Variants in ERC1 observed in about 807,000 individuals in gnomAD.
The protein encoded by ERC1 is ELKS/RAB6-interacting/CAST family member 1, also known as RAB6 interacting protein 2.
ERC1 carries 56 observed loss-of-function variants against 132.0 expected under a neutral mutation model. That is an observed-to-expected ratio of 0.42 (90% confidence interval 0.34 to 0.53). ERC1 has a LOEUF of 0.53. Among genes scored for constraint, ERC1 ranks in the 20% least tolerant of loss-of-function variants. The pLI, the probability that ERC1 is intolerant of heterozygous loss-of-function variation, is 0.03. For synonymous variants in ERC1, 478 were observed against 476.1 expected (o/e 1.00, Z -0.05); for missense variants, 1,202 against 1,349.9 (o/e 0.89, Z 1.72).
At chr12:1,476,562 T>G (rs760302195) in intron 18 of ERC1, among the ~76,000 whole-genome samples, 1 of 152,200 alleles carries the variant, frequency 6.6e-6, no homozygotes, top group Non-Finnish European at 1.5e-5. Flanking sequence ...TCACTACAGA[T>G]GGGAAGAACT....
intron 16 of ERC1, among the ~76,000 whole-genome samples, chr12:1,376,965 A>AT (rs1201188736): frequency 1.3e-5 from 2 of 152,104 alleles, no homozygotes; most frequent in Non-Finnish European, 2.9e-5. Context: ...TTGAGATGAG[A>AT]TGACATCAGG....
At chr12:1,246,904 T>C (rs1235972089) in intron 13 of ERC1, among the ~76,000 whole-genome samples, 1 of 152,210 alleles carries the variant, frequency 6.6e-6, no homozygotes, top group Non-Finnish European at 1.5e-5. Context: ...GTTACAGATG[T>C]ATTCGAGGGG....
At position 1,082,920 on chromosome 12, in the gene ERC1, A is replaced by G. The variant is rs187702700; in HGVS notation, c.670-244A>G. Among the ~76,000 whole-genome samples the G allele has an allele frequency of 6.7e-3, 1,027 of 152,292 alleles. 8 individuals carry two copies. The highest frequency in any genetic ancestry group is 0.01 in the Non-Finnish European group (685 of 68,022). On this transcript the variant is annotated intron_variant, in intron 2 of 18. Transcript: ENST00000360905. ...TTGAACAGTGTCTTTATTGTAGTTT[A>G]TGCAAAGTGAGGAGTGAGTGCCATA... is the stretch of plus-strand genomic sequence containing the variant.
In ERC1 at chr12:1,244,108, A is replaced by G. The variant is rs150841357; in HGVS notation, c.2487+7204A>G. On this transcript the variant is annotated intron_variant, in intron 13 of 18. Coordinates refer to ENST00000360905, the MANE Select transcript of ERC1 (RefSeq NM_178040.4). ...AATTTACATAACATACACAATAACC[A>G]TCATTCTCGGGCACATAATTCCAGA... is the stretch of plus-strand genomic sequence containing the variant. Among the ~76,000 whole-genome samples, 249 of 152,310 alleles carry G rather than the reference A, an allele frequency of 1.6e-3. 1 individual carries two copies. Among genetic ancestry groups the G allele is most frequent in the Middle Eastern group, 6.8e-3 (2 of 294 alleles).
chr12:1,338,137 G>A (rs1227661880), intron 15 of ERC1, among the ~76,000 whole-genome samples: 1 of 152,092 alleles, frequency 6.6e-6, no homozygotes, highest in Non-Finnish European at 1.5e-5. Context: ...GTTTTCAGTT[G>A]CTTACGCTCT....
intron 17 of ERC1, among the ~76,000 whole-genome samples, chr12:1,440,312 C>T (rs1281017758): frequency 6.9e-6 from 1 of 145,232 alleles, no homozygotes; most frequent in Non-Finnish European, 1.5e-5. Flanking sequence ...TCACGCCATT[C>T]TCCTGCCTCA....
chr12:1,422,565 G>T (rs1251122516), intron 17 of ERC1, among the ~76,000 whole-genome samples: 2 of 151,572 alleles, frequency 1.3e-5, no homozygotes, highest in South Asian at 2.1e-4. Context: ...GCATTGCATT[G>T]TATAGATATT....
chr12:1,035,436 T>C (rs1266964818), intron 2 of ERC1, among the ~76,000 whole-genome samples: 2 of 152,250 alleles, frequency 1.3e-5, no homozygotes, highest in Non-Finnish European at 2.9e-5. Context: ...ATATAAATAC[T>C]CAGCAATTTT....
At chr12:1,127,631 G>T (rs1472676960) in intron 7 of ERC1, among the ~76,000 whole-genome samples, 2 of 151,674 alleles carry the variant, frequency 1.3e-5, no homozygotes, top group East Asian at 3.9e-4. Flanking sequence ...CATCCATCCC[G>T]TTTTTTAAAA....
chr12:1,075,252 A>G (rs898890367), intron 2 of ERC1, among the ~76,000 whole-genome samples: 4 of 151,986 alleles, frequency 2.6e-5, no homozygotes, highest in African/African-American at 9.7e-5. Flanking sequence ...AAGTTTTGAC[A>G]CCCCCCAAAT....
intron 11 of ERC1, among the ~76,000 whole-genome samples, chr12:1,184,970 G>A (rs916849304): frequency 6.6e-6 from 1 of 152,074 alleles, no homozygotes; most frequent in Non-Finnish European, 1.5e-5. Flanking sequence ...GAGTGCAGTG[G>A]CACAACCTCG....
intron 2 of ERC1, among the ~76,000 whole-genome samples, chr12:1,060,274 C>A (rs1973755575): frequency 6.6e-6 from 1 of 151,470 alleles, no homozygotes; most frequent in Non-Finnish European, 1.5e-5. Context: ...GTGCTGCACC[C>A]ATTAACTCGT....
Position 1,491,793 on chromosome 12 carries a change from G to A in ERC1, c.*1563G>A. ...GACCCCAAGACTGCAAATCAATGAA[G>A]GTATTGGCATTGTTAAGGACGTAGC... On this transcript the variant is annotated 3_prime_UTR_variant, in exon 19 of 19. Coordinates refer to ENST00000360905, the MANE Select transcript of ERC1 (RefSeq NM_178040.4). The A allele has an allele frequency of 4.3e-6, 1 of 232,184 alleles. No individual in the cohort carries two copies. Among genetic ancestry groups the A allele is most frequent in the Non-Finnish European group, 8.5e-6 (1 of 117,408 alleles). 14.4% of individuals were successfully genotyped at this position (232,184 alleles called of 1,614,324 possible). A position where few individuals can be genotyped will look rare whatever the true frequency, so the allele number is the denominator to read the frequency against.
At chr12:1,024,687 A>T (rs1592761312) in intron 1 of ERC1, among the ~76,000 whole-genome samples, 1 of 152,168 alleles carries the variant, frequency 6.6e-6, no homozygotes, top group East Asian at 1.9e-4. Context: ...GATGCTAGGA[A>T]ATCAGAGAGA....
At chr12:1,291,170 G>A (rs945553482) in intron 15 of ERC1, among the ~76,000 whole-genome samples, 2 of 152,158 alleles carry the variant, frequency 1.3e-5, no homozygotes, top group Admixed American at 6.6e-5. Context: ...GAATGTTGAG[G>A]TGTCCTCTGT....
At chr12:1,243,245 ATGCGAAGATG>A (rs2075945477) in intron 13 of ERC1, among the ~76,000 whole-genome samples, 1 of 152,118 alleles carries the variant, frequency 6.6e-6, no homozygotes, top group Non-Finnish European at 1.5e-5. Flanking sequence ...TTTAAAATAT[ATGCGAAGATG>A]TGCATAGATT....
intron 17 of ERC1, among the ~76,000 whole-genome samples, chr12:1,422,392 T>A (rs2092461164): frequency 6.6e-6 from 1 of 152,168 alleles, no homozygotes; most frequent in South Asian, 2.1e-4. Flanking sequence ...TATTCTACTC[T>A]CTGTTTGTAT....
intron 14 of ERC1, among the ~76,000 whole-genome samples, chr12:1,276,150 G>T (rs1277759307): frequency 6.6e-6 from 1 of 151,826 alleles, no homozygotes; most frequent in Non-Finnish European, 1.5e-5. Flanking sequence ...CCCTTGTCTG[G>T]AAAAATCCTA....
At chr12:1,093,815 T>A (rs935127350) in intron 3 of ERC1, among the ~76,000 whole-genome samples, 14 of 150,726 alleles carry the variant, frequency 9.3e-5, no homozygotes, top group African/African-American at 2.9e-4. Flanking sequence ...TTGTCAGTAT[T>A]ACTGGCAGAT....
Sources: allele counts gnomAD v4.1 joint callset (sites outside exome capture counted in the v4.1 genomes callset), GRCh38; gene constraint gnomAD v4.1.1; transcripts MANE v1.5; gene names NCBI Gene and HGNC (gene_info 2026-07-23, HGNC 2026-07-21).